CNOT3: variants seen among roughly 807,000 people sequenced by gnomAD.
CNOT3 encodes the protein CCR4-NOT transcription complex subunit 3.
Under a neutral mutation model 89.4 loss-of-function variants are expected in CNOT3, and 2 were observed. The observed-to-expected ratio is 0.02, with a 90% CI of 0.01 to 0.07. CNOT3 has a LOEUF of 0.07. CNOT3 is among the 10% of genes least tolerant of loss of function. CNOT3 has a pLI of 1.00. For synonymous variants in CNOT3, 486 were observed against 402.0 expected (o/e 1.21, Z -2.50); for missense variants, 664 against 1,010.2 (o/e 0.66, Z 4.65).
rs1437691585 is a variant in CNOT3, at chr19:54,146,606, C to T, written c.843C>T (p.Asn281=). ...PPSPANCTTE[N]SEDDKKRGRS... ...TTCTGCCTCCCCTACCTCAGGAAAA[C>T]TCTGAAGATGATAAGAAGAGGGGAC... The change falls in exon 10 of 18, where the codon AAC becomes AAT. Residue 281 remains asparagine (N), a synonymous_variant. Coordinates refer to ENST00000221232, the MANE Select transcript of CNOT3 (RefSeq NM_014516.4). 3 of 1,519,990 alleles carry T rather than the reference C, an allele frequency of 2.0e-6. 1 individual carries two copies. Among genetic ancestry groups the T allele is most frequent in the Non-Finnish European group, 9.1e-7 (1 of 1,094,460 alleles). 94.2% of individuals were successfully genotyped at this position (1,519,990 alleles called of 1,614,324 possible). A position where few individuals can be genotyped will look rare whatever the true frequency, so the allele number is the denominator to read the frequency against.
Position 54,148,705 on chromosome 19 carries a change from C to G in CNOT3, c.1368C>G (p.Gly456=), listed in dbSNP as rs587620376. ...ACAATGCCAGCAGCCAGGCCTTGGG[C>G]CCCCCTTCCGGCCCCCACAACCCAC... ...GGNNASSQAL[G]PPSGPHNPPP... The change falls in exon 12 of 18, where the codon GGC becomes GGG. Residue 456 remains glycine (G), a synonymous_variant. Coordinates refer to ENST00000221232, the MANE Select transcript of CNOT3 (RefSeq NM_014516.4). The surrounding 1 kb of genome is among the most constrained non-coding windows in gnomAD (Gnocchi z 6.3). 1 of 1,611,628 alleles carries G rather than the reference C, an allele frequency of 6.2e-7. No individual in the cohort carries two copies. The highest frequency in any genetic ancestry group is 2.2e-5 in the East Asian group (1 of 44,812).
Position 54,153,849 on chromosome 19 carries a change from C to T in CNOT3, c.2163+9C>T, listed in dbSNP as rs368246052. 2 of 1,614,116 alleles carry T rather than the reference C, an allele frequency of 1.2e-6. No homozygotes were observed. Among genetic ancestry groups the T allele is most frequent in the Non-Finnish European group, 1.7e-6 (2 of 1,179,968 alleles). On this transcript the variant is annotated intron_variant, in intron 17 of 17. Transcript: ENST00000221232. ...CTGACGAGTTTGAGCAGGTGAGGGC[C>T]CCGCCCCCTCTCTTCCCGCTGCTAG...
In CNOT3 at chr19:54,145,905, C is replaced by T. The variant is rs1388870979; in HGVS notation, c.704-5C>T. ...GCTAAGCATGCCCTTCTTCTGCCCC[C>T]ACAGCACAGGCGCTGGTCGCCACCT... On this transcript the variant is annotated splice_polypyrimidine_tract_variant and splice_region_variant and intron_variant, in intron 8 of 17. Coordinates refer to ENST00000221232, the MANE Select transcript of CNOT3 (RefSeq NM_014516.4). The surrounding 1 kb of genome is among the most constrained non-coding windows in gnomAD (Gnocchi z 5.9). 15 of 1,613,272 alleles carry T rather than the reference C, an allele frequency of 9.3e-6. No individual in the cohort carries two copies. The highest frequency in any genetic ancestry group is 1.2e-5 in the Non-Finnish European group (14 of 1,179,788).
At chr19:54,149,950 C>T (rs1032559432) in intron 13 of CNOT3, among the ~76,000 whole-genome samples, 192 bp downstream of exon 13, 3 of 152,078 alleles carry the variant, frequency 2.0e-5, no homozygotes, top group Non-Finnish European at 4.4e-5. Context: ...TCTGGGGGCT[C>T]TCATACCTCC....
At chr19:54,146,737 G>T in intron 10 of CNOT3, 80 bp downstream of exon 10, 3 of 828,784 alleles carry the variant, frequency 3.6e-6, no homozygotes, top group Non-Finnish European at 4.3e-6. Context: ...CCTGAGCGCC[G>T]GCCACTGTGC....
intron 17 of CNOT3, 38 bp from the exon 18 acceptor site, chr19:54,155,271 T>A (rs199660083): frequency 3.7e-4 from 599 of 1,609,464 alleles, no homozygotes; most frequent in Non-Finnish European, 5.0e-4. Context: ...CCAGACCACC[T>A]CCTCGTCCAC....
rs1238170253 is a variant in CNOT3 at position 54,148,420 on chromosome 19, GC to G, written c.1173del (p.Ser392AlafsTer51). 5 of 1,563,798 alleles carry G rather than the reference GC, an allele frequency of 3.2e-6. No individual in the cohort carries two copies. Among genetic ancestry groups the G allele is most frequent in the Non-Finnish European group, 3.5e-6 (4 of 1,153,090 alleles). ...PSGPSTTQPR[P>X]PSVQPSGGGG... is the part of the protein sequence containing the mutation. Reference sequence around the variant, plus strand: ...GTGGGCCCAGCACGACCCAGCCCCGGCCCCCCAGCGTCCAGCCTAGCGGAGG... The same window carrying G: ...GTGGGCCCAGCACGACCCAGCCCCGGCCCCCAGCGTCCAGCCTAGCGGAGG... On this transcript the variant is annotated frameshift_variant, in exon 11 of 18. Coordinates refer to ENST00000221232, the MANE Select transcript of CNOT3 (RefSeq NM_014516.4). LOFTEE classifies it high-confidence loss of function. The surrounding 1 kb of genome is among the most constrained non-coding windows in gnomAD (Gnocchi z 6.3).
At position 54,145,916 on chromosome 19, in the gene CNOT3, C is replaced by T. The variant is rs767913658; in HGVS notation, c.710C>T (p.Ala237Val). 19 of 1,613,306 alleles carry T rather than the reference C, an allele frequency of 1.2e-5. No homozygotes were observed. Among genetic ancestry groups the T allele is most frequent in the East Asian group, 2.2e-5 (1 of 44,880 alleles). The part of the protein sequence containing the change: ...DDLDLEDIPQ[A>V]LVATSPPSHS... Reference sequence around the variant, plus strand: ...CCTTCTTCTGCCCCCACAGCACAGGCGCTGGTCGCCACCTCCCCCCCCAGC... The same window carrying T: ...CCTTCTTCTGCCCCCACAGCACAGGTGCTGGTCGCCACCTCCCCCCCCAGC... The change falls in exon 9 of 18, where the codon GCG (alanine) becomes GTG (valine). Residue 237 changes from alanine (A) to valine (V), a missense_variant. Transcript: ENST00000221232. The surrounding 1 kb of genome is among the most constrained non-coding windows in gnomAD (Gnocchi z 5.9).
intron 16 of CNOT3, 169 bp from the exon 17 acceptor site, chr19:54,153,546 C>G: frequency 1.3e-6 from 1 of 779,556 alleles, no homozygotes; most frequent in African/African-American, 1.7e-5. Context: ...TTCTCCTGAT[C>G]AGCATTGGTA....
rs1181734558 is a variant in CNOT3 at position 54,153,355 on chromosome 19, G to A, written c.2037+356G>A. ...ATTGGCACATTCTCAGGCCTCCCTG[G>A]AGACCACTGGGGAGCTGTCCAGCCC... On this transcript the variant is annotated intron_variant, in intron 16 of 17. Transcript: ENST00000221232. 5.2e-6 allele frequency: 4 copies of A among 763,074 alleles called. No homozygotes were observed. The African/African-American group carries it at 6.8e-5, about 13-fold the overall frequency. 47.3% of individuals were successfully genotyped at this position (763,074 alleles called of 1,614,324 possible).
intron 1 of CNOT3, among the ~76,000 whole-genome samples, chr19:54,139,046 C>T (rs1428076274): frequency 6.6e-6 from 1 of 152,196 alleles, no homozygotes; most frequent in Non-Finnish European, 1.5e-5. Context: ...CGCTCAGGTG[C>T]CTGGTGAAAG....
intron 3 of CNOT3, 23 bp downstream of exon 3, chr19:54,143,209 A>T: frequency 6.2e-7 from 1 of 1,601,816 alleles, no homozygotes; most frequent in Non-Finnish European, 8.6e-7. Flanking sequence ...AGACCCTAAT[A>T]ATCTGGGTCT....
intron 4 of CNOT3, 47 bp from the exon 5 acceptor site, chr19:54,143,613 A>G (rs755903331): frequency 6.2e-7 from 1 of 1,608,328 alleles, no homozygotes; most frequent in Admixed American, 1.7e-5. Flanking sequence ...TGTGGGCCCC[A>G]GTTCCTGGGT....
intron 2 of CNOT3, 50 bp downstream of exon 2, chr19:54,143,053 G>A (rs771796206): frequency 3.4e-5 from 55 of 1,613,284 alleles, no homozygotes; most frequent in Non-Finnish European, 4.5e-5. Flanking sequence ...TCCCTCTTCT[G>A]AGGACTGCTC....
chr19:54,144,161 G>A lies in CNOT3; in HGVS notation c.387+27G>A. 1 of 1,609,178 alleles carries A rather than the reference G, an allele frequency of 6.2e-7. No homozygotes were observed. Among genetic ancestry groups the A allele is most frequent in the Non-Finnish European group, 8.5e-7 (1 of 1,177,062 alleles). Reference sequence around the variant, plus strand: ...TGAGTTGGGGTAGAGAAGAGGAGGTGAACTCTGAGGATCCTGAGCCCTGGG... The same window carrying A: ...TGAGTTGGGGTAGAGAAGAGGAGGTAAACTCTGAGGATCCTGAGCCCTGGG... On this transcript the variant is annotated intron_variant, in intron 6 of 17. Coordinates refer to ENST00000221232, the MANE Select transcript of CNOT3 (RefSeq NM_014516.4). This position sits in a 1 kb window ranked among gnomAD's most constrained non-coding sequence, Gnocchi z 4.8.
At chr19:54,152,035 A>G (rs184873920) in intron 13 of CNOT3, among the ~76,000 whole-genome samples, 191 bp from the exon 14 acceptor site, 1 of 152,304 alleles carries the variant, frequency 6.6e-6, no homozygotes, top group East Asian at 1.9e-4. Context: ...TCTGCTGATG[A>G]ATGCGTCGTG....
chr19:54,148,036 CAGCGAG>C lies in CNOT3; in HGVS notation c.895-111_895-106del. On this transcript the variant is annotated intron_variant, in intron 10 of 17. Transcript: ENST00000221232. This position sits in a 1 kb window ranked among gnomAD's most constrained non-coding sequence, Gnocchi z 6.3. ...CCAAGAGGGCAGGAGCAGGTGGGGG[CAGCGAG>C]GCCAGAGAGGAGGCTGCTGGGACAA... The C allele has an allele frequency of 1.3e-6, 1 of 766,200 alleles. No individual in the cohort carries two copies. The allele number at this position is 766,200 out of a possible 1,614,324, so 47.5% of individuals were successfully genotyped here. A position where few individuals can be genotyped will look rare whatever the true frequency, so the allele number is the denominator to read the frequency against.
chr19:54,150,120 T>C (rs1357902840), intron 13 of CNOT3, among the ~76,000 whole-genome samples: 1 of 152,160 alleles, frequency 6.6e-6, no homozygotes, highest in Admixed American at 6.5e-5. Context: ...GTGTACTTTC[T>C]GCACAAGTAG....
At position 54,148,286 on chromosome 19, in the gene CNOT3, G is replaced by C. The variant is rs199960898; in HGVS notation, c.1033G>C (p.Ala345Pro). The C allele has an allele frequency of 5.6e-6, 9 of 1,607,770 alleles. No homozygotes were observed. The highest frequency in any genetic ancestry group is 5.9e-6 in the Non-Finnish European group (7 of 1,176,766). ...STTPGNNGVP[A>P]PAAPPSALGP... is the part of the protein sequence containing the mutation. ...CACTCCTGGCAACAATGGGGTCCCC[G>C]CCCCCGCAGCACCCCCAAGTGCCCT... Residue 345 changes from alanine (A) to proline (P), a missense_variant, in exon 11 of 18, where the codon GCC (alanine) becomes CCC (proline). Physicochemically the swap from Ala to Pro is conservative, Grantham distance 27. This residue lies in a region of CNOT3 where 545 missense variants were observed against 566.2 expected (regional missense o/e 0.96). Coordinates refer to ENST00000221232, the MANE Select transcript of CNOT3 (RefSeq NM_014516.4). This position sits in a 1 kb window ranked among gnomAD's most constrained non-coding sequence, Gnocchi z 6.3.
Sources: allele counts gnomAD v4.1 joint callset (sites outside exome capture counted in the v4.1 genomes callset), GRCh38; gene constraint gnomAD v4.1.1; regional missense constraint gnomAD v4.1.1; non-coding constraint Gnocchi (gnomAD v3.1); transcripts MANE v1.5; gene names NCBI Gene and HGNC (gene_info 2026-07-23, HGNC 2026-07-21).